The following ENO4 variants were observed in gnomAD, a reference collection of about 807,000 sequenced individuals.
ENO4 encodes the protein 2-phospho-D-glycerate hydro-lyase.
A neutral mutation model predicts 63.2 loss-of-function variants in ENO4; 53 were observed. The ratio of observed to expected loss-of-function variants is 0.84; its 90% CI spans 0.67 to 1.05. The LOEUF is 1.05. ENO4 is among the 50% of genes least tolerant of loss of function. The pLI, the probability that ENO4 is intolerant of heterozygous loss-of-function variation, is 0.00. For synonymous variants in ENO4, 266 were observed against 283.8 expected (o/e 0.94, Z 0.63); for missense variants, 719 against 772.0 (o/e 0.93, Z 0.81).
chr10:116,884,806 C>G (rs952292042), downstream of ENO4: 1 of 155,852 alleles, frequency 6.4e-6, no homozygotes, highest in Non-Finnish European at 1.4e-5. Context: ...TAATGGGAAA[C>G]TATTGGTGCC....
Position 116,881,368 on chromosome 10 carries a change from G to A in ENO4, c.1724-147G>A, listed in dbSNP as rs184421333. 6.4e-4 allele frequency: 372 copies of A among 585,364 alleles called. 2 individuals carry two copies. In the Admixed American group the frequency reaches 0.011, roughly 17 times the overall value. 36.3% of individuals were successfully genotyped at this position (585,364 alleles called of 1,614,324 possible). A position where few individuals can be genotyped will look rare whatever the true frequency, so the allele number is the denominator to read the frequency against. Reference sequence around the variant, plus strand: ...ACAATTAACATATAACCAAAGATACGCCCAGTTGTAAATGGTTCTGGAGTC... The same window carrying A: ...ACAATTAACATATAACCAAAGATACACCCAGTTGTAAATGGTTCTGGAGTC... On this transcript the variant is annotated intron_variant, in intron 13 of 13. Coordinates refer to ENST00000341276, the MANE Select transcript of ENO4 (RefSeq NM_001242699.2).
intron 1 of ENO4, 128 bp from the exon 2 acceptor site, chr10:116,855,493 GGA>G: frequency 8.8e-7 from 1 of 1,140,032 alleles, no homozygotes; most frequent in South Asian, 1.4e-5. Context: ...GAATACTCGC[GGA>G]GAGGTTTGGT....
At chr10:116,900,406 C>A in intron 10 of ENO4, 1 of 776,018 alleles carries the variant, frequency 1.3e-6, no homozygotes. Context: ...ACTGTCAATT[C>A]AACACATATT....
intron 10 of ENO4, chr10:116,911,389 G>A: frequency 5.7e-6 from 8 of 1,403,772 alleles, no homozygotes; most frequent in Non-Finnish European, 7.6e-6. Flanking sequence ...ATTTGGGGAG[G>A]AATTTAGCTT....
At position 116,908,145 on chromosome 10, in the gene ENO4, AACTG is replaced by A. The variant is rs147867467; in HGVS notation, c.1195-3350_1195-3347del. ...AAAAGTAACCTGTTGTCAGGGAGGA[AACTG>A]ACTAACAAGATTAGGAGATTATATT... On this transcript the variant is annotated intron_variant, in intron 10 of 10. Transcript: ENST00000369207. Among the ~76,000 whole-genome samples the A allele has an allele frequency of 2.2e-3, 340 of 152,306 alleles. 5 individuals carry two copies. The East Asian group carries it at 0.033, about 15-fold the overall frequency.
chr10:116,873,293 A>G (rs1278206070), intron 9 of ENO4, among the ~76,000 whole-genome samples: 1 of 152,206 alleles, frequency 6.6e-6, no homozygotes, highest in African/African-American at 2.4e-5. Flanking sequence ...TATTAGCAGC[A>G]GCAGGAAGGC....
chr10:116,911,948 G>A, downstream of ENO4: 3 of 799,560 alleles, frequency 3.8e-6, no homozygotes, highest in Non-Finnish European at 6.4e-6. Context: ...TTGGTAATAT[G>A]TATGACTATA....
In ENO4 at chr10:116,861,188, C is replaced by T. The variant is rs780388724; in HGVS notation, c.934C>T (p.Gln312Ter). Residue 312 changes from glutamine (Q) to a stop codon, truncating the protein, a stop_gained and splice_region_variant, in exon 6 of 14, where the codon CAA becomes TAA. Coordinates refer to ENST00000341276, the MANE Select transcript of ENO4 (RefSeq NM_001242699.2). LOFTEE classifies it high-confidence loss of function. ...CIPHPELTTKQGVEMLMEMQK... is the reference protein window; with the variant it reads ...CIPHPELTTK ...ACCCCATCCTGAATTAACAACCAAA[C>T]AAGTACCTTACATTATCTTAAATTA... 1 of 1,386,918 alleles carries T rather than the reference C, an allele frequency of 7.2e-7. No individual in the cohort carries two copies. The highest frequency in any genetic ancestry group is 1.7e-5 in the South Asian group (1 of 57,852). 85.9% of individuals were successfully genotyped at this position (1,386,918 alleles called of 1,614,324 possible).
intron 1 of ENO4, among the ~76,000 whole-genome samples, chr10:116,854,269 G>T (rs947426172): frequency 3.9e-5 from 6 of 152,108 alleles, no homozygotes; most frequent in African/African-American, 1.4e-4. Flanking sequence ...GAATAAAAAT[G>T]AGCCCATGTG....
downstream of ENO4, chr10:116,886,692 AGTC>A: frequency 7.9e-7 from 1 of 1,267,576 alleles, no homozygotes; most frequent in Non-Finnish European, 1.1e-6. Context: ...TGCATATAGT[AGTC>A]TTTGAGATGC....
At chr10:116,863,356 T>TCACCCA (rs1554901228) in intron 7 of ENO4, among the ~76,000 whole-genome samples, 1 of 147,298 alleles carries the variant, frequency 6.8e-6, no homozygotes. Context: ...CTGTGGGGCT[T>TCACCCA]CACACACACA....
At position 116,849,725 on chromosome 10, in the gene ENO4, G is replaced by C; in HGVS notation, c.159G>C (p.Gly53=). The C allele has an allele frequency of 1.3e-6, 2 of 1,521,518 alleles. No individual in the cohort carries two copies. Among genetic ancestry groups the C allele is most frequent in the Non-Finnish European group, 8.8e-7 (1 of 1,132,354 alleles). 94.3% of individuals were successfully genotyped at this position (1,521,518 alleles called of 1,614,324 possible). ...ACCTCCAGCCTGCCGACGTCTACGG[G>C]CACCTGGTAGGGACCTGGGACAAGC... ...TFYLQPADVY[G]HLANCFSKLA... Residue 53 remains glycine (G), a synonymous_variant, in exon 1 of 14, where the codon GGG becomes GGC. Coordinates refer to ENST00000341276, the MANE Select transcript of ENO4 (RefSeq NM_001242699.2).
At chr10:116,868,819 G>A (rs1846613115) in intron 8 of ENO4, 113 bp downstream of exon 8, 1 of 925,966 alleles carries the variant, frequency 1.1e-6, no homozygotes, top group Non-Finnish European at 1.7e-6. Context: ...GAGGCAAATG[G>A]AAACCATATA....
chr10:116,871,934 C>T (rs539599179), intron 9 of ENO4, among the ~76,000 whole-genome samples: 3 of 152,180 alleles, frequency 2.0e-5, no homozygotes, highest in African/African-American at 4.8e-5. Context: ...CAGTGGCTCA[C>T]GCCTGTAATC....
At chr10:116,896,945 T>C (rs1009520533) in intron 10 of ENO4, among the ~76,000 whole-genome samples, 1 of 152,184 alleles carries the variant, frequency 6.6e-6, no homozygotes, top group Non-Finnish European at 1.5e-5. Flanking sequence ...TAGCTAGGAT[T>C]ACAGGCATGT....
chr10:116,858,372 T>C (rs1205960946), intron 3 of ENO4, among the ~76,000 whole-genome samples: 1 of 152,250 alleles, frequency 6.6e-6, no homozygotes, highest in Admixed American at 6.5e-5. Context: ...TCAATTTCTC[T>C]CATACTTTAA....
chr10:116,908,198 A>C (rs1848048002), intron 10 of ENO4, among the ~76,000 whole-genome samples: 4 of 152,168 alleles, frequency 2.6e-5, no homozygotes, highest in African/African-American at 9.7e-5. Context: ...CTGCCTAATC[A>C]ACTGGTTTGC....
intron 10 of ENO4, among the ~76,000 whole-genome samples, chr10:116,875,804 A>G (rs1307827111): frequency 6.6e-6 from 1 of 152,168 alleles, no homozygotes; most frequent in East Asian, 1.9e-4. Flanking sequence ...GAACTCTAAA[A>G]TCCATGTAAG....
chr10:116,851,723 C>T (rs189391847), intron 1 of ENO4, among the ~76,000 whole-genome samples: 13 of 152,242 alleles, frequency 8.5e-5, no homozygotes, highest in Non-Finnish European at 1.8e-4. Context: ...TGCTCAGCCC[C>T]TCCCTCTGGT....
Sources: allele counts gnomAD v4.1 joint callset (sites outside exome capture counted in the v4.1 genomes callset), GRCh38; gene constraint gnomAD v4.1.1; transcripts MANE v1.5; gene names NCBI Gene and HGNC (gene_info 2026-07-23, HGNC 2026-07-21).